BMP6: variants seen among roughly 807,000 people sequenced by gnomAD.
BMP6 encodes VG-1-R.
BMP6 carries 17 observed loss-of-function variants against 54.1 expected under a neutral mutation model. That is an observed-to-expected ratio of 0.31 (90% confidence interval 0.22 to 0.47). The LOEUF (loss-of-function observed/expected upper bound fraction) is 0.47. BMP6 is among the 20% of genes least tolerant of loss of function. The pLI is 1.00. For missense variants in BMP6, 720 were observed against 690.4 expected (o/e 1.04, Z -0.48); for synonymous variants, 328 against 291.2 (o/e 1.13, Z -1.28).
chr6:7,862,076 G>A (rs184880492), intron 3 of BMP6, among the ~76,000 whole-genome samples: 1 of 152,116 alleles, frequency 6.6e-6, no homozygotes, highest in African/African-American at 2.4e-5. Flanking sequence ...AGGAGTTCAC[G>A]CCACTCCTTC....
chr6:7,795,119 GCT>G (rs1256421790), intron 1 of BMP6, among the ~76,000 whole-genome samples: 1 of 152,198 alleles, frequency 6.6e-6, no homozygotes, highest in Non-Finnish European at 1.5e-5. Context: ...GGGAGATAAA[GCT>G]CCTGCTGTGT....
rs1471929379 is a variant in BMP6, at chr6:7,761,547, CA to C, written c.664+33929del. Among the ~76,000 whole-genome samples the C allele has an allele frequency of 2.0e-5, 3 of 152,326 alleles. No individual in the cohort carries two copies. The South Asian group carries it at 6.2e-4, about 32-fold the overall frequency. On this transcript the variant is annotated intron_variant, in intron 1 of 6. Transcript: ENST00000283147. Reference sequence around the variant, plus strand: ...TTACCAAGTGCAGCCCTGGAGCCAACAGGGGTGGATGGAAGGATGGAATGGC... The same window carrying C: ...TTACCAAGTGCAGCCCTGGAGCCAACGGGGTGGATGGAAGGATGGAATGGC...
At chr6:7,869,349 C>T (rs1014491350) in intron 4 of BMP6, among the ~76,000 whole-genome samples, 16 of 152,236 alleles carry the variant, frequency 1.1e-4, no homozygotes, top group African/African-American at 2.9e-4. Flanking sequence ...CTTTGCACTT[C>T]GCTGTGTGCG....
chr6:7,793,856 C>A (rs973510599), intron 1 of BMP6, among the ~76,000 whole-genome samples: 1 of 152,162 alleles, frequency 6.6e-6, no homozygotes, highest in Non-Finnish European at 1.5e-5. Context: ...CATCTTGTCC[C>A]CAGGCACTGC....
At chr6:7,839,654 G>C (rs1168156532) in intron 1 of BMP6, among the ~76,000 whole-genome samples, 1 of 152,194 alleles carries the variant, frequency 6.6e-6, no homozygotes, top group African/African-American at 2.4e-5. Context: ...CCGTTTTAAG[G>C]TTGAAGAGTA....
chr6:7,746,667 A>T (rs1055109549), intron 1 of BMP6, among the ~76,000 whole-genome samples: 1 of 152,192 alleles, frequency 6.6e-6, no homozygotes, highest in Non-Finnish European at 1.5e-5. Context: ...AGACATTTAA[A>T]TAGACTTAAC....
At chr6:7,758,490 T>A (rs1271440416) in intron 1 of BMP6, among the ~76,000 whole-genome samples, 2 of 152,172 alleles carry the variant, frequency 1.3e-5, no homozygotes, top group African/African-American at 4.8e-5. Flanking sequence ...AGATTTGTGT[T>A]TGGAAAATTG....
intron 4 of BMP6, among the ~76,000 whole-genome samples, chr6:7,862,787 T>A (rs927549293): frequency 6.6e-6 from 1 of 152,180 alleles, no homozygotes; most frequent in Non-Finnish European, 1.5e-5. Context: ...AACTCTTTTT[T>A]AAATTCCCAT....
At position 7,726,243 on chromosome 6, in the gene BMP6, C is replaced by G. The variant is rs1203515681; in HGVS notation, c.-713C>G. Among the ~76,000 whole-genome samples, 1 of 152,198 alleles carries G rather than the reference C, an allele frequency of 6.6e-6. No homozygotes were observed. Among genetic ancestry groups the G allele is most frequent in the African/African-American group, 2.4e-5 (1 of 41,460 alleles). ...CGAGCGGGTTTGCTGGGCAGCCGGG[C>G]GACCGCCGAACGGAAAGCAAGATCC... On this transcript the variant is annotated 5_prime_UTR_variant, in exon 1 of 7. Coordinates refer to ENST00000283147, the MANE Select transcript of BMP6 (RefSeq NM_001718.6).
intron 1 of BMP6, among the ~76,000 whole-genome samples, chr6:7,805,512 G>A (rs1758334658): frequency 6.6e-6 from 1 of 152,174 alleles, no homozygotes. Context: ...AGCCTGTCCT[G>A]CTGTCTTATT....
intron 4 of BMP6, among the ~76,000 whole-genome samples, chr6:7,862,929 A>C (rs1223152225): frequency 1.3e-5 from 2 of 152,114 alleles, no homozygotes; most frequent in African/African-American, 4.8e-5. Flanking sequence ...GAAGGGAAGG[A>C]AGGTCAACTC....
chr6:7,879,084 C>T lies in BMP6; in HGVS notation c.1215C>T (p.Ser405=), dbSNP rs1215293242. The part of the protein sequence containing the change: ...ARVSSASDYN[S]SELKTACRKH... Reference sequence around the variant, plus strand: ...GATCTCCTCCAACAGATTACAACAGCAGTGAATTGAAAACAGCCTGCAGGA... The same window carrying T: ...GATCTCCTCCAACAGATTACAACAGTAGTGAATTGAAAACAGCCTGCAGGA... Residue 405 remains serine (S), a synonymous_variant, in exon 5 of 7, where the codon AGC becomes AGT. Transcript: ENST00000283147. 1.9e-6 allele frequency: 3 copies of T among 1,614,114 alleles called. No homozygotes were observed. Among genetic ancestry groups the T allele is most frequent in the East Asian group, 4.5e-5 (2 of 44,894 alleles).
chr6:7,776,715 A>G (rs926101236), intron 1 of BMP6, among the ~76,000 whole-genome samples: 3 of 152,208 alleles, frequency 2.0e-5, no homozygotes, highest in Non-Finnish European at 4.4e-5. Context: ...CAGTGGTGCA[A>G]TCATGATTCA....
At chr6:7,855,268 A>C (rs755002700) in intron 2 of BMP6, among the ~76,000 whole-genome samples, 2 of 152,168 alleles carry the variant, frequency 1.3e-5, no homozygotes, top group African/African-American at 2.4e-5. Context: ...CTCACAAAGT[A>C]TGGTTCTTAG....
chr6:7,798,839 C>T (rs1326302523), intron 1 of BMP6, among the ~76,000 whole-genome samples: 2 of 152,176 alleles, frequency 1.3e-5, no homozygotes, highest in African/African-American at 4.8e-5. Flanking sequence ...ACCAGAGAAA[C>T]CCCTGCTAGG....
chr6:7,805,578 A>G (rs1224755018), intron 1 of BMP6, among the ~76,000 whole-genome samples: 3 of 151,984 alleles, frequency 2.0e-5, no homozygotes, highest in African/African-American at 7.3e-5. Flanking sequence ...GATCCTTTGG[A>G]AGGAAACCGG....
intron 1 of BMP6, among the ~76,000 whole-genome samples, chr6:7,787,398 C>T (rs35834643): frequency 4.6e-4 from 70 of 152,294 alleles, no homozygotes; most frequent in Non-Finnish European, 7.5e-4. Context: ...TCCTTAAAGG[C>T]GTGTTTGGCC....
chr6:7,825,025 G>A (rs1017668042), intron 1 of BMP6, among the ~76,000 whole-genome samples: 4 of 152,302 alleles, frequency 2.6e-5, no homozygotes, highest in East Asian at 1.9e-4. Flanking sequence ...ATTGAAAAAC[G>A]CGCAGACTTC....
intron 2 of BMP6, among the ~76,000 whole-genome samples, chr6:7,859,155 A>C (rs1474995677): frequency 1.3e-5 from 2 of 151,604 alleles, no homozygotes; most frequent in African/African-American, 4.9e-5. Flanking sequence ...TCTTTAATTC[A>C]TTCCTTCTCT....
Sources: allele counts gnomAD v4.1 joint callset (sites outside exome capture counted in the v4.1 genomes callset), GRCh38; gene constraint gnomAD v4.1.1; transcripts MANE v1.5; gene names NCBI Gene and HGNC (gene_info 2026-07-23, HGNC 2026-07-21).